The following EP400 variants were observed in gnomAD, a reference collection of about 807,000 sequenced individuals.
The protein encoded by EP400 is E1A binding protein p400.
A neutral mutation model predicts 354.1 loss-of-function variants in EP400; 105 were observed. That is an observed-to-expected ratio of 0.30 (90% CI 0.25 to 0.35). EP400 has a LOEUF of 0.35. Among genes scored for constraint, EP400 ranks in the 10% least tolerant of loss-of-function variants. The pLI is 1.00. For missense variants in EP400, 3,280 were observed against 4,121.0 expected, an observed-to-expected ratio of 0.80 and a Z score of 5.59; for synonymous variants, 1,646 against 1,716.9, an observed-to-expected ratio of 0.96 and a Z score of 1.02.
At chr12:131,960,446 T>G in intron 1 of EP400, 139 bp from the exon 2 acceptor site, 1 of 872,394 alleles carries the variant, frequency 1.1e-6, no homozygotes, top group Non-Finnish European at 1.7e-6. Flanking sequence ...AGCTGTGCCA[T>G]ATTGAATGTG....
At chr12:132,063,715 C>G (rs1895786087) in intron 47 of EP400, among the ~76,000 whole-genome samples, 1 of 152,048 alleles carries the variant, frequency 6.6e-6, no homozygotes, top group Admixed American at 6.6e-5. Flanking sequence ...CAGCTGAGGG[C>G]CCCTCCTGGG....
intron 30 of EP400, 85 bp from the exon 31 acceptor site, chr12:132,037,597 T>A: frequency 1.8e-6 from 2 of 1,081,840 alleles, no homozygotes. Flanking sequence ...CGTGGATTCG[T>A]TGATCACCAT....
chr12:132,044,689 G>A lies in EP400; in HGVS notation c.6604G>A (p.Val2202Ile). The A allele has an allele frequency of 1.2e-6, 2 of 1,614,210 alleles. No homozygotes were observed. Among genetic ancestry groups the A allele is most frequent in the South Asian group, 2.2e-5 (2 of 91,086 alleles). The change falls in exon 36 of 53, where the codon GTC becomes ATC. Residue 2202 changes from valine (V) to isoleucine (I), a missense_variant. By Grantham distance (29) the Val-to-Ile change is conservative. This residue lies in a region of EP400 where 231 missense variants were observed against 257.9 expected (regional missense o/e 0.90). Transcript: ENST00000389561. ...CCTACAGGAGTATGTCTACGAAGATGTCGATGGGCAGACAGAAGTCATGCC... is the reference window on the plus strand; with the variant it reads ...CCTACAGGAGTATGTCTACGAAGATATCGATGGGCAGACAGAAGTCATGCC... ...AYSMEYVYED[V>I]DGQTEVMPLW...
At position 132,052,007 on chromosome 12, in the gene EP400, TCA is replaced by T. The variant is rs1053121486; in HGVS notation, c.7395-1137_7395-1136del. Among the ~76,000 whole-genome samples the T allele has an allele frequency of 6.6e-6, 1 of 152,210 alleles. No individual in the cohort carries two copies. Among genetic ancestry groups the T allele is most frequent in the Non-Finnish European group, 1.5e-5 (1 of 68,028 alleles). On this transcript the variant is annotated intron_variant, in intron 41 of 52. Coordinates refer to ENST00000389561, the MANE Select transcript of EP400 (RefSeq NM_015409.5). This position sits in a 1 kb window ranked among gnomAD's most constrained non-coding sequence, Gnocchi z 4.4. ...TGCACGCTTGTCTTCTGGTCACTTC[TCA>T]CTGTGTCCTCTCAGCTCCTATCTCT... is the stretch of plus-strand genomic sequence containing the variant.
chr12:131,992,294 G>T (rs898140909), intron 11 of EP400, 64 bp downstream of exon 11: 12 of 1,470,444 alleles, frequency 8.2e-6, no homozygotes, highest in African/African-American at 4.2e-5. Flanking sequence ...ACACAGAGCT[G>T]CAGCGACTTG....
chr12:132,013,586 C>T lies in EP400; in HGVS notation c.3708C>T (p.Pro1236=), dbSNP rs200274645. The change falls in exon 18 of 53, where the codon CCC becomes CCT. Residue 1236 remains proline (P), a synonymous_variant. Coordinates refer to ENST00000389561, the MANE Select transcript of EP400 (RefSeq NM_015409.5). This position sits in a 1 kb window ranked among gnomAD's most constrained non-coding sequence, Gnocchi z 4.5. The part of the protein sequence containing the change: ...VHFLVPGISR[P]YLSSPLRAPS... ...TCCTGGTCCCAGGGATCTCCAGGCC[C>T]TACCTGAGCTCCCCTCTGAGGGCCC... The T allele has an allele frequency of 6.2e-7, 1 of 1,614,042 alleles. No individual in the cohort carries two copies. The highest frequency in any genetic ancestry group is 1.7e-5 in the Admixed American group (1 of 60,002).
chr12:131,999,986 T>G (rs1445853945), intron 12 of EP400, among the ~76,000 whole-genome samples: 1 of 151,878 alleles, frequency 6.6e-6, no homozygotes, highest in African/African-American at 2.4e-5. Context: ...ATTCTTTTTT[T>G]TTTTTTTTAA....
intron 39 of EP400, among the ~76,000 whole-genome samples, chr12:132,046,628 C>A (rs143600672): frequency 1.9e-3 from 282 of 152,304 alleles, no homozygotes; most frequent in Non-Finnish European, 3.3e-3. Context: ...TGTAGCTTGA[C>A]CCCCGAAGAG....
intron 16 of EP400, 81 bp downstream of exon 16, chr12:132,011,715 G>A (rs1893772681): frequency 7.6e-6 from 11 of 1,446,420 alleles, no homozygotes; most frequent in Admixed American, 2.4e-5. Context: ...AAAATGTGAA[G>A]ACATGCTTAT....
intron 45 of EP400, among the ~76,000 whole-genome samples, chr12:132,061,703 G>A (rs1052790163): frequency 2.0e-5 from 3 of 152,230 alleles, no homozygotes; most frequent in African/African-American, 7.2e-5. Flanking sequence ...GACACTCAGG[G>A]CTGTAGTTTC....
In EP400 at chr12:131,963,413, A is replaced by G. The variant is rs565307238; in HGVS notation, c.1335+1459A>G. 2.9e-5 allele frequency: 21 copies of G among 725,456 alleles called. No homozygotes were observed. The Admixed American group carries it at 4.8e-4, about 17-fold the overall frequency. The allele number at this position is 725,456 out of a possible 1,614,324, so 44.9% of individuals were successfully genotyped here. On this transcript the variant is annotated intron_variant, in intron 2 of 52. Transcript: ENST00000389561. ...AGTATCCTTTCACAGGAATTGATGCAAAAACATTCCATTTTTAAACCCCAA... is the reference window on the plus strand; with the variant it reads ...AGTATCCTTTCACAGGAATTGATGCGAAAACATTCCATTTTTAAACCCCAA...
At chr12:132,009,035 T>G (rs941669088) in intron 15 of EP400, among the ~76,000 whole-genome samples, 2 of 137,702 alleles carry the variant, frequency 1.5e-5, no homozygotes, top group African/African-American at 5.3e-5. Context: ...CACCTCAGCC[T>G]CCTAAGGAGC....
intron 2 of EP400, among the ~76,000 whole-genome samples, chr12:131,974,103 C>T (rs908344143): frequency 1.3e-5 from 2 of 151,882 alleles, no homozygotes; most frequent in East Asian, 3.9e-4. Context: ...CTCAGCCTCC[C>T]GAGTAGCTGG....
At chr12:131,967,109 G>A (rs1331858293) in intron 2 of EP400, among the ~76,000 whole-genome samples, 3 of 151,818 alleles carry the variant, frequency 2.0e-5, no homozygotes, top group African/African-American at 7.3e-5. Flanking sequence ...GCTAGGTGCG[G>A]TGGCTCATGC....
chr12:131,961,102 C>T lies in EP400; in HGVS notation c.483C>T (p.Leu161=), dbSNP rs775150210. Reference sequence around the variant, plus strand: ...GTGCCCCTGGCCCTGGGCTGGGCCTCTGCAGCAGCAGCCCTACAGGGGGCT... The same window carrying T: ...GTGCCCCTGGCCCTGGGCTGGGCCTTTGCAGCAGCAGCCCTACAGGGGGCT... The part of the protein sequence containing the change: ...RAGAPGPGLG[L]CSSSPTGGFV... Residue 161 remains leucine (L), a synonymous_variant, in exon 2 of 53, where the codon CTC becomes CTT. Coordinates refer to ENST00000389561, the MANE Select transcript of EP400 (RefSeq NM_015409.5). 6.2e-7 allele frequency: 1 copy of T among 1,608,836 alleles called. No individual in the cohort carries two copies. Among genetic ancestry groups the T allele is most frequent in the Non-Finnish European group, 8.5e-7 (1 of 1,177,638 alleles).
chr12:132,037,862 G>A (rs931222357), intron 31 of EP400, 69 bp downstream of exon 31: 4 of 1,612,028 alleles, frequency 2.5e-6, no homozygotes, highest in East Asian at 2.2e-5. Context: ...CATGGTGTTA[G>A]TGCACACTAG....
intron 30 of EP400, among the ~76,000 whole-genome samples, chr12:132,033,059 C>T (rs955507770): frequency 4.6e-5 from 7 of 152,024 alleles, no homozygotes; most frequent in South Asian, 2.1e-4. Flanking sequence ...GCGATTCTTC[C>T]GCCTCAGCCC....
At chr12:131,963,003 T>G (rs75506420) in intron 2 of EP400, among the ~76,000 whole-genome samples, 1 of 152,250 alleles carries the variant, frequency 6.6e-6, no homozygotes, top group East Asian at 1.9e-4. Flanking sequence ...GGACCATATT[T>G]GTTTTTCAAC....
chr12:132,073,197 C>G (rs1896114751), intron 51 of EP400, among the ~76,000 whole-genome samples: 1 of 147,020 alleles, frequency 6.8e-6, no homozygotes, highest in African/African-American at 2.5e-5. Context: ...TTTCTTTCCT[C>G]CCTTCCTTGC....
Sources: allele counts gnomAD v4.1 joint callset (sites outside exome capture counted in the v4.1 genomes callset), GRCh38; gene constraint gnomAD v4.1.1; regional missense constraint gnomAD v4.1.1; non-coding constraint Gnocchi (gnomAD v3.1); transcripts MANE v1.5; gene names NCBI Gene and HGNC (gene_info 2026-07-23, HGNC 2026-07-21).